U2SURP: variants seen among roughly 807,000 people sequenced by gnomAD.
U2SURP encodes the protein U2 snRNP-associated SURP motif-containing protein.
Under a neutral mutation model 144.9 loss-of-function variants are expected in U2SURP, and 9 were observed. That is an observed-to-expected ratio of 0.06 (90% confidence interval 0.04 to 0.11). The LOEUF is 0.11. Ranked by LOEUF, U2SURP falls within the 10% of genes least tolerant of loss-of-function variation. The pLI, the probability that U2SURP is intolerant of heterozygous loss-of-function variation, is 1.00. For missense variants in U2SURP, 724 were observed against 1,226.7 expected (o/e 0.59, Z 6.12); for synonymous variants, 408 against 396.8 (o/e 1.03, Z -0.33).
At chr3:143,010,388 G>A (rs1936063259) in intron 1 of U2SURP, among the ~76,000 whole-genome samples, 1 of 152,182 alleles carries the variant, frequency 6.6e-6, no homozygotes, top group East Asian at 1.9e-4. Context: ...TTTATATGTG[G>A]ATTTCTTTAT....
At chr3:143,055,206 A>AT (rs74668359) in intron 27 of U2SURP, 87 bp downstream of exon 27, 162,456 of 958,530 alleles carry the variant, frequency 0.17, 128 homozygotes, top group South Asian at 0.2. Context: ...GTTGGCATAC[A>AT]TTTTTTTTTT....
chr3:143,015,171 G>C (rs529786921), intron 4 of U2SURP, among the ~76,000 whole-genome samples: 1 of 152,098 alleles, frequency 6.6e-6, no homozygotes, highest in South Asian at 2.1e-4. Flanking sequence ...CATGAAAAAT[G>C]GTATCTCAGT....
At chr3:143,009,890 G>C (rs1223640935) in intron 1 of U2SURP, among the ~76,000 whole-genome samples, 2 of 152,074 alleles carry the variant, frequency 1.3e-5, no homozygotes, top group African/African-American at 4.8e-5. Context: ...TCTGGGAGTT[G>C]GGGTCAGGTG....
At chr3:143,010,769 G>A in intron 1 of U2SURP, 46 bp from the exon 2 acceptor site, 1 of 1,473,446 alleles carries the variant, frequency 6.8e-7, no homozygotes, top group Non-Finnish European at 9.4e-7. Context: ...TGTTTTGTTA[G>A]TATAAGACAT....
chr3:143,010,896 A>G, intron 2 of U2SURP, 37 bp downstream of exon 2: 1 of 1,537,302 alleles, frequency 6.5e-7, no homozygotes, highest in Non-Finnish European at 8.9e-7. Flanking sequence ...TTTTTCCTTT[A>G]AAATTTAACT....
intron 24 of U2SURP, among the ~76,000 whole-genome samples, chr3:143,049,093 T>TAAA (rs368050643): frequency 7.9e-6 from 1 of 126,994 alleles, no homozygotes; most frequent in African/African-American, 2.9e-5. Flanking sequence ...TGTCTCTGCT[T>TAAA]AAAAAAAAAA....
At chr3:143,034,255 T>A (rs1422980713) in intron 18 of U2SURP, among the ~76,000 whole-genome samples, 5 of 152,036 alleles carry the variant, frequency 3.3e-5, no homozygotes, top group Middle Eastern at 3.2e-3. Flanking sequence ...AATACAAAGA[T>A]TAGCTGGGCG....
rs927965571 is a variant in U2SURP at position 143,014,493 on chromosome 3, G to A, written c.321+84G>A. On this transcript the variant is annotated intron_variant, in intron 4 of 27. Transcript: ENST00000473835. ...TAAGTGTATTAGAGGAATGTTTCCC[G>A]AAGATTCTTAACCTCTAGGATATTC... The A allele has an allele frequency of 2.8e-5, 25 of 900,552 alleles. No homozygotes were observed. The African/African-American group carries it at 3.1e-4, about 11-fold the overall frequency. 55.8% of individuals were successfully genotyped at this position (900,552 alleles called of 1,614,324 possible). A position where few individuals can be genotyped will look rare whatever the true frequency, so the allele number is the denominator to read the frequency against.
intron 1 of U2SURP, among the ~76,000 whole-genome samples, chr3:143,002,526 C>G (rs1935589815): frequency 6.6e-6 from 1 of 152,156 alleles, no homozygotes; most frequent in South Asian, 2.1e-4. Flanking sequence ...GGTTTCTGGT[C>G]TCGAATATAT....
At chr3:143,031,571 T>C (rs948675617) in intron 16 of U2SURP, among the ~76,000 whole-genome samples, 3 of 152,138 alleles carry the variant, frequency 2.0e-5, no homozygotes, top group Non-Finnish European at 4.4e-5. Context: ...AACAAGAAAG[T>C]ATTTTTAAAG....
In U2SURP at chr3:143,039,963, C is replaced by G. The variant is rs529289903; in HGVS notation, c.2384+1003C>G. 1.5e-4 allele frequency among the ~76,000 whole-genome samples: 23 copies of G among 151,850 alleles called. No individual in the cohort carries two copies. The East Asian group carries it at 2.7e-3, about 18-fold the overall frequency. ...GTGGCTTGCTAATGGAAATACCTAT[C>G]TGAGGCTGTTTAGGAATACACAAAT... is the stretch of plus-strand genomic sequence containing the variant. On this transcript the variant is annotated intron_variant, in intron 23 of 27. Coordinates refer to ENST00000473835, the MANE Select transcript of U2SURP (RefSeq NM_001080415.2).
intron 24 of U2SURP, among the ~76,000 whole-genome samples, chr3:143,045,931 C>T (rs768046778): frequency 2.0e-5 from 3 of 152,234 alleles, no homozygotes; most frequent in Non-Finnish European, 4.4e-5. Context: ...AGCTCATGAG[C>T]TTTATCCCAG....
rs1935072394 is a variant in U2SURP, at chr3:143,055,027, ATCAGAGCGT to A, written c.2865_2873del (p.Glu958_Ser960del). ...AATCCCCATCACCAAAATCGGAGCG[ATCAGAGCGT>A]TCAGAAAGATCTCATAAAGAGAGCT... is the stretch of plus-strand genomic sequence containing the variant. On this transcript the variant is annotated inframe_deletion, in exon 27 of 28. Transcript: ENST00000473835. 1.2e-6 allele frequency: 2 copies of A among 1,608,736 alleles called. No individual in the cohort carries two copies. Among genetic ancestry groups the A allele is most frequent in the East Asian group, 4.5e-5 (2 of 44,770 alleles).
chr3:143,052,570 G>C (rs997979444), intron 25 of U2SURP, among the ~76,000 whole-genome samples: 5 of 152,194 alleles, frequency 3.3e-5, no homozygotes, highest in African/African-American at 1.2e-4. Flanking sequence ...TCTGTAAATA[G>C]TTGTATTAGA....
intron 6 of U2SURP, among the ~76,000 whole-genome samples, chr3:143,018,913 G>A (rs1220871473): frequency 1.3e-5 from 2 of 152,058 alleles, no homozygotes; most frequent in Non-Finnish European, 1.5e-5. Flanking sequence ...CAACAAGAGC[G>A]AAACTCCATC....
intron 24 of U2SURP, among the ~76,000 whole-genome samples, chr3:143,050,511 G>T (rs1438595397): frequency 6.6e-6 from 1 of 152,136 alleles, no homozygotes; most frequent in Non-Finnish European, 1.5e-5. Context: ...TTTGTGTTTG[G>T]TCTTACATGA....
Position 143,001,592 on chromosome 3 carries a change from T to C in U2SURP, c.-37T>C. The C allele has an allele frequency of 1.9e-6, 3 of 1,612,812 alleles. No homozygotes were observed. The highest frequency in any genetic ancestry group is 1.1e-5 in the South Asian group (1 of 90,800). Reference sequence around the variant, plus strand: ...GCTCTTTCGGTGCTCGACTCGCCCGTGCTGCTGCCGCCGCCGAAGGAGGGG... The same window carrying C: ...GCTCTTTCGGTGCTCGACTCGCCCGCGCTGCTGCCGCCGCCGAAGGAGGGG... On this transcript the variant is annotated 5_prime_UTR_variant, in exon 1 of 28. Transcript: ENST00000473835.
intron 1 of U2SURP, among the ~76,000 whole-genome samples, chr3:143,004,120 C>G (rs190520721): frequency 5.9e-5 from 9 of 152,280 alleles, no homozygotes; most frequent in African/African-American, 2.2e-4. Flanking sequence ...CTGGAAAGAA[C>G]AGATGAGTGG....
At chr3:143,027,331 G>A in intron 14 of U2SURP, 78 bp downstream of exon 14, 1 of 1,024,580 alleles carries the variant, frequency 9.8e-7, no homozygotes, top group Non-Finnish European at 1.5e-6. Context: ...ATACAGTTCA[G>A]TGTCATTAAG....
Sources: gnomAD v4.1 joint callset for allele counts (sites outside exome capture counted in the v4.1 genomes callset) on GRCh38, gnomAD v4.1.1 for gene constraint, MANE v1.5 for transcripts, NCBI Gene and HGNC (gene_info 2026-07-23, HGNC 2026-07-21) for gene names.